The following MYH10 variants were observed in gnomAD, a reference collection of about 807,000 sequenced individuals.
MYH10 encodes the protein myosin heavy chain 10, also known as myosin-10.
In MYH10, 55 loss-of-function variants were observed where a neutral mutation model predicts 257.8. That is an observed-to-expected ratio of 0.21 (90% confidence interval 0.17 to 0.27). MYH10 has a LOEUF of 0.27. Among genes scored for constraint, MYH10 ranks in the 10% least tolerant of loss-of-function variants. MYH10 has a pLI of 1.00. For synonymous variants in MYH10, 854 were observed against 921.7 expected (o/e 0.93, Z 1.33); for missense variants, 1,631 against 2,500.6 (o/e 0.65, Z 7.42).
At chr17:8,511,476 C>T (rs536104962) in intron 24 of MYH10, among the ~76,000 whole-genome samples, 29 of 152,078 alleles carry the variant, frequency 1.9e-4, no homozygotes, top group Non-Finnish European at 3.1e-4. Flanking sequence ...GCCGAGATTG[C>T]GCCATTGCAC....
At position 8,623,775 on chromosome 17, in the gene MYH10, A is replaced by G. The variant is rs2152110364; in HGVS notation, c.-31-498T>C. ...CTCTCATTCTACCCTCAGATAACAG[A>G]CTTAAAGTTCTTCTTATGAATAACC... On this transcript the variant is annotated intron_variant, in intron 1 of 42. Transcript: ENST00000360416. Among the ~76,000 whole-genome samples the G allele has an allele frequency of 2.0e-5, 3 of 152,294 alleles. 1 individual carries two copies. Among genetic ancestry groups the G allele is most frequent in the Middle Eastern group, 6.8e-3 (2 of 294 alleles).
chr17:8,526,482 T>C, intron 17 of MYH10, among the ~76,000 whole-genome samples: 1 of 152,218 alleles, frequency 6.6e-6, no homozygotes, highest in East Asian at 1.9e-4. Flanking sequence ...TTAGGATTGC[T>C]GGGGGGCATT....
intron 21 of MYH10, among the ~76,000 whole-genome samples, chr17:8,516,548 C>G (rs1002227084): frequency 2.0e-5 from 3 of 152,216 alleles, no homozygotes; most frequent in African/African-American, 7.2e-5. Flanking sequence ...TGAAATAATG[C>G]AAGTGAAATA....
intron 3 of MYH10, among the ~76,000 whole-genome samples, chr17:8,592,970 T>TATATATATATATATATATATATAA (rs1567953268): frequency 1.6e-5 from 2 of 121,956 alleles, no homozygotes; most frequent in East Asian, 4.9e-4. Context: ...TATATATATA[T>TATATATATATATATATATATATAA]AAAAGATGAT....
intron 17 of MYH10, among the ~76,000 whole-genome samples, chr17:8,530,230 A>C (rs1189230931): frequency 2.0e-5 from 3 of 152,210 alleles, no homozygotes; most frequent in Non-Finnish European, 2.9e-5. Flanking sequence ...TTTAAAGGTG[A>C]CTCAAAAGCA....
intron 4 of MYH10, among the ~76,000 whole-genome samples, chr17:8,580,642 T>C (rs1380273048): frequency 1.3e-5 from 2 of 152,210 alleles, no homozygotes; most frequent in African/African-American, 4.8e-5. Flanking sequence ...TATCAATCTC[T>C]TTTCATCACC....
Position 8,501,197 on chromosome 17 carries a change from T to C in MYH10, c.3600-227A>G, listed in dbSNP as rs568213090. Among the ~76,000 whole-genome samples the C allele has an allele frequency of 1.5e-3, 235 of 152,182 alleles. 1 individual carries two copies. The highest frequency in any genetic ancestry group is 5.3e-3 in the African/African-American group (218 of 41,512). ...CTATAACCCCGGCAATTTGGGAGGC[T>C]AAGGTGGATCGCTTGAGCCTGGGAG... On this transcript the variant is annotated intron_variant, in intron 28 of 42. Coordinates refer to ENST00000360416, the MANE Select transcript of MYH10 (RefSeq NM_001256012.3).
At chr17:8,543,354 G>A (rs1024023118) in intron 13 of MYH10, among the ~76,000 whole-genome samples, 1 of 152,064 alleles carries the variant, frequency 6.6e-6, no homozygotes, top group African/African-American at 2.4e-5. Flanking sequence ...TTTCTGGCAC[G>A]CATGACAAGC....
chr17:8,518,353 C>T (rs1382606045), intron 21 of MYH10, among the ~76,000 whole-genome samples: 2 of 152,176 alleles, frequency 1.3e-5, no homozygotes, highest in African/African-American at 2.4e-5. Context: ...TGGCTGGTCT[C>T]GAACTCCTGA....
intron 2 of MYH10, among the ~76,000 whole-genome samples, chr17:8,613,558 T>C (rs1313794786): frequency 6.6e-6 from 1 of 151,926 alleles, no homozygotes; most frequent in Non-Finnish European, 1.5e-5. Context: ...ATGTAACCAC[T>C]AAAAGAATAG....
intron 24 of MYH10, 90 bp from the exon 25 acceptor site, chr17:8,510,039 A>AT: frequency 3.7e-6 from 4 of 1,076,496 alleles, no homozygotes; most frequent in South Asian, 2.2e-5. Flanking sequence ...ATGAGATACT[A>AT]ATTTTTTTTT....
At chr17:8,596,413 C>A (rs8075478) in intron 3 of MYH10, among the ~76,000 whole-genome samples, 2,716 of 152,218 alleles carry the variant, frequency 0.018, 61 homozygotes, top group African/African-American at 0.062. Context: ...CCTCAGCCTC[C>A]CAAGCTGGGA....
Position 8,490,981 on chromosome 17 carries a change from C to G in MYH10, c.4672-429G>C, listed in dbSNP as rs1456809161. Reference sequence around the variant, plus strand: ...TATTGAAAAGCACATGTGGAAACTGCTGATTATTAGGGTGGCTTGGGCCTA... The same window carrying G: ...TATTGAAAAGCACATGTGGAAACTGGTGATTATTAGGGTGGCTTGGGCCTA... On this transcript the variant is annotated intron_variant, in intron 34 of 42. Transcript: ENST00000360416. The surrounding 1 kb of genome is among the most constrained non-coding windows in gnomAD (Gnocchi z 4.1). Among the ~76,000 whole-genome samples the G allele has an allele frequency of 6.6e-6, 1 of 152,190 alleles. No individual in the cohort carries two copies. Among genetic ancestry groups the G allele is most frequent in the Non-Finnish European group, 1.5e-5 (1 of 68,028 alleles).
chr17:8,573,805 G>A, intron 6 of MYH10: 1 of 946,986 alleles, frequency 1.1e-6, no homozygotes, highest in Non-Finnish European at 1.3e-6. Flanking sequence ...GCTTATATTT[G>A]TTCATATTTT....
At chr17:8,476,172 A>G (rs1912568478) in intron 42 of MYH10, among the ~76,000 whole-genome samples, 1 of 152,186 alleles carries the variant, frequency 6.6e-6, no homozygotes, top group African/African-American at 2.4e-5. Flanking sequence ...AGAACTGGGG[A>G]GGACTTGATT....
chr17:8,487,996 C>G (rs1915158904), intron 35 of MYH10, among the ~76,000 whole-genome samples: 1 of 152,126 alleles, frequency 6.6e-6, no homozygotes, highest in East Asian at 1.9e-4. Flanking sequence ...TTCCTGTTTC[C>G]TAGAGCTGTG....
chr17:8,604,102 T>C (rs1043321261), intron 3 of MYH10, among the ~76,000 whole-genome samples: 7 of 152,200 alleles, frequency 4.6e-5, no homozygotes, highest in Non-Finnish European at 8.8e-5. Flanking sequence ...AAGAACCTTA[T>C]GCTTTTTATT....
At chr17:8,630,351 G>A (rs1258994920) in intron 1 of MYH10, among the ~76,000 whole-genome samples, 4 of 145,790 alleles carry the variant, frequency 2.7e-5, no homozygotes, top group Non-Finnish European at 6.0e-5. Flanking sequence ...TGCACACCCA[G>A]GCCCTGACCC....
intron 2 of MYH10, among the ~76,000 whole-genome samples, chr17:8,617,475 C>A (rs2085311015): frequency 6.6e-6 from 1 of 152,130 alleles, no homozygotes; most frequent in Non-Finnish European, 1.5e-5. Context: ...TGTAAATCTA[C>A]CCTTTATTAA....
Sources: gnomAD v4.1 joint callset for allele counts (sites outside exome capture counted in the v4.1 genomes callset) on GRCh38, gnomAD v4.1.1 for gene constraint, Gnocchi (gnomAD v3.1) non-coding constraint, MANE v1.5 for transcripts, NCBI Gene and HGNC (gene_info 2026-07-23, HGNC 2026-07-21) for gene names.